Variants in WDHD1 observed in about 807,000 individuals in gnomAD.
WDHD1 encodes WD repeat and HMG-box DNA-binding protein 1.
WDHD1 carries 111 observed loss-of-function variants against 135.4 expected under a neutral mutation model. The observed-to-expected ratio is 0.82, with a 90% CI of 0.70 to 0.96. The LOEUF (loss-of-function observed/expected upper bound fraction) is 0.96, where lower values mean the gene tolerates loss of function less well. WDHD1 is among the 40% of genes least tolerant of loss of function. The pLI is 0.00. For synonymous variants in WDHD1, 434 were observed against 439.0 expected (o/e 0.99, Z 0.14); for missense variants, 1,351 against 1,336.3 (o/e 1.01, Z -0.17).
In WDHD1 at chr14:54,966,528, T is replaced by C. The variant is rs1358757035; in HGVS notation, c.2257A>G (p.Thr753Ala). The change falls in exon 18 of 26, where the codon ACT (threonine) becomes GCT (alanine). Residue 753 changes from threonine (T) to alanine (A), a missense_variant. Around this residue, in one of 2 missense-constraint regions of WDHD1, gnomAD observed 1,330 missense variants for 1,296.1 expected, o/e 1.03. Coordinates refer to ENST00000360586, the MANE Select transcript of WDHD1 (RefSeq NM_007086.4). ...TGCTCTTTTGTTGCTTGATTTTTAG[T>C]GCTCTCTTCATATTCATAACCATTT... ...AKNGYEYEES[T>A]KNQATKEQQE... 4 of 1,608,974 alleles carry C rather than the reference T, an allele frequency of 2.5e-6. No individual in the cohort carries two copies. Among genetic ancestry groups the C allele is most frequent in the Middle Eastern group, 1.7e-4 (1 of 5,728 alleles).
At chr14:54,983,344 C>T (rs982987794) in intron 15 of WDHD1, among the ~76,000 whole-genome samples, 1 of 151,776 alleles carries the variant, frequency 6.6e-6, no homozygotes, top group Admixed American at 6.6e-5. Flanking sequence ...AAAATGGCTA[C>T]ATACCATGTA....
At chr14:54,943,355 C>CT (rs1354698397) in intron 25 of WDHD1, among the ~76,000 whole-genome samples, 1 of 152,108 alleles carries the variant, frequency 6.6e-6, no homozygotes, top group Non-Finnish European at 1.5e-5. Context: ...TGCAAGAACC[C>CT]TAAAGTAGTA....
Position 54,957,115 on chromosome 14 carries a change from T to C in WDHD1, c.2835A>G (p.Lys945=). The C allele has an allele frequency of 2.5e-6, 4 of 1,614,178 alleles. 1 individual carries two copies. In the South Asian group the frequency reaches 3.3e-5, roughly 13 times the overall value. The change falls in exon 23 of 26, where the codon AAA becomes AAG. Residue 945 remains lysine (K), a synonymous_variant. Coordinates refer to ENST00000360586, the MANE Select transcript of WDHD1 (RefSeq NM_007086.4). Reference sequence around the variant, plus strand: ...TTGTAGTTCGACTAAGTGCAGTGGATTTCTTGGATGATTTGCCCATATTGT... The same window carrying C: ...TTGTAGTTCGACTAAGTGCAGTGGACTTCTTGGATGATTTGCCCATATTGT... The part of the protein sequence containing the change: ...ILDNMGKSSK[K]STALSRTTNN...
At chr14:54,976,590 C>G (rs78788859) in intron 16 of WDHD1, among the ~76,000 whole-genome samples, 3,020 of 152,296 alleles carry the variant, frequency 0.02, 71 homozygotes, top group African/African-American at 0.06. Context: ...ATTCCCCGAA[C>G]TTCCATGTAC....
intron 10 of WDHD1, among the ~76,000 whole-genome samples, chr14:54,998,883 T>C (rs2041933568): frequency 6.6e-6 from 1 of 152,228 alleles, no homozygotes; most frequent in African/African-American, 2.4e-5. Flanking sequence ...CCAACACTTA[T>C]AAAGTATGCC....
At chr14:54,962,643 A>T in intron 20 of WDHD1, 92 bp from the exon 21 acceptor site, 1 of 1,535,742 alleles carries the variant, frequency 6.5e-7, no homozygotes, top group Non-Finnish European at 9.0e-7. Flanking sequence ...GTCTGAAAAA[A>T]AGTATGAGTA....
At chr14:54,953,973 G>C (rs571340447) in intron 24 of WDHD1, among the ~76,000 whole-genome samples, 1 of 152,246 alleles carries the variant, frequency 6.6e-6, no homozygotes, top group East Asian at 1.9e-4. Flanking sequence ...GGCCTGTTGT[G>C]GGGTGGGGGA....
At chr14:54,948,672 T>G (rs1394420703) in intron 24 of WDHD1, among the ~76,000 whole-genome samples, 1 of 152,136 alleles carries the variant, frequency 6.6e-6, no homozygotes. Flanking sequence ...AGCACAGAGT[T>G]TGAGATCTGA....
rs2040839708 is a variant in WDHD1 at position 54,941,593 on chromosome 14, T to C, written c.3287A>G (p.Gln1096Arg). 1 of 1,614,096 alleles carries C rather than the reference T, an allele frequency of 6.2e-7. No individual in the cohort carries two copies. Among genetic ancestry groups the C allele is most frequent in the African/African-American group, 1.3e-5 (1 of 75,064 alleles). The change falls in exon 26 of 26, where the codon CAG becomes CGG. Residue 1096 changes from glutamine to arginine, a missense_variant. This residue lies in a region of WDHD1 where 1,330 missense variants were observed against 1,296.1 expected (regional missense o/e 1.03). Coordinates refer to ENST00000360586, the MANE Select transcript of WDHD1 (RefSeq NM_007086.4). ...CAGGTTCTCTTTTGCTTTTTCTTCC[T>C]GGTTTTCTGTTTCATCACTTTCATC... is the stretch of plus-strand genomic sequence containing the variant. ...VVDESDETEN[Q>R]EEKAKENLNL...
intron 7 of WDHD1, among the ~76,000 whole-genome samples, chr14:55,006,741 T>A (rs1463205481): frequency 6.6e-6 from 1 of 152,160 alleles, no homozygotes; most frequent in South Asian, 2.1e-4. Flanking sequence ...AACAAAAATA[T>A]AAAATTAATT....
At chr14:54,954,072 C>T (rs1472236006) in intron 24 of WDHD1, among the ~76,000 whole-genome samples, 1 of 150,962 alleles carries the variant, frequency 6.6e-6, no homozygotes, top group Non-Finnish European at 1.5e-5. Flanking sequence ...ATGTAACAAA[C>T]CTGAATGTTG....
chr14:55,001,350 T>C (rs1019303526), intron 8 of WDHD1, among the ~76,000 whole-genome samples: 2 of 152,196 alleles, frequency 1.3e-5, no homozygotes, highest in Non-Finnish European at 2.9e-5. Context: ...AACTTTCAAC[T>C]CTGAAGCTCA....
chr14:54,945,166 A>AAGAG (rs953134233), intron 24 of WDHD1, among the ~76,000 whole-genome samples: 31 of 152,228 alleles, frequency 2.0e-4, no homozygotes, highest in South Asian at 1.2e-3. Context: ...GACTTTTCTC[A>AAGAG]AGCCCCTTTG....
Position 54,967,282 on chromosome 14 carries a change from C to A in WDHD1, c.2176G>T (p.Glu726Ter). 6.2e-7 allele frequency: 1 copy of A among 1,608,018 alleles called. No homozygotes were observed. The highest frequency in any genetic ancestry group is 8.5e-7 in the Non-Finnish European group (1 of 1,175,756). The part of the protein sequence containing the change: ...CQIATEKGQM[E>*]EQFWRSVIFH... ...GTCAAGGTAAGACTTCCACATACCT[C>A]CATTTGTCCTTTCTCTGTTGCAATC... The change falls in exon 17 of 26, where the codon GAG becomes TAG. Residue 726 changes from glutamate to a stop codon, truncating the protein, a stop_gained and splice_region_variant. Coordinates refer to ENST00000360586, the MANE Select transcript of WDHD1 (RefSeq NM_007086.4). LOFTEE classifies it high-confidence loss of function.
intron 16 of WDHD1, among the ~76,000 whole-genome samples, chr14:54,973,129 A>G (rs774340731): frequency 3.9e-5 from 6 of 152,232 alleles, no homozygotes; most frequent in Non-Finnish European, 7.3e-5. Context: ...TATAAATACC[A>G]CAGGCAAATT....
chr14:55,008,505 G>A (rs771140825), intron 5 of WDHD1, 103 bp downstream of exon 5: 52 of 1,430,134 alleles, frequency 3.6e-5, no homozygotes, highest in Non-Finnish European at 4.9e-5. Flanking sequence ...TAAAACAAAG[G>A]TTGAAAAGTT....
rs1420794952 is a variant in WDHD1, at chr14:55,013,544, C to G, written c.130G>C (p.Asp44His). Residue 44 changes from aspartate to histidine, a missense_variant, in exon 3 of 26, where the codon GAT becomes CAT. Coordinates refer to ENST00000360586, the MANE Select transcript of WDHD1 (RefSeq NM_007086.4). Reference protein sequence around the residue: ...DGDVRIWEDLDDDDPKFINVG... With the variant: ...DGDVRIWEDLHDDDPKFINVG... ...TTAATGAACTTAGGATCATCATCAT[C>G]CAAGTCTTCCCAAATCCTCACATCA... 1.9e-6 allele frequency: 3 copies of G among 1,614,040 alleles called. No individual in the cohort carries two copies. The highest frequency in any genetic ancestry group is 2.5e-6 in the Non-Finnish European group (3 of 1,180,000).
In WDHD1 at chr14:55,002,095, G is replaced by A. The variant is rs554232187; in HGVS notation, c.691C>T (p.Gln231Ter). 29 of 1,602,486 alleles carry A rather than the reference G, an allele frequency of 1.8e-5. No individual in the cohort carries two copies. Among genetic ancestry groups the A allele is most frequent in the Non-Finnish European group, 2.4e-5 (28 of 1,174,754 alleles). ...QFDLSDNFIS[Q>*]TLNIVTWSPC... ...AAGTGTCACTTTGTAAAACCTACCT[G>A]AGAGATGAAATTATCTGAAAGATCA... Residue 231 changes from glutamine to a stop codon, truncating the protein, a stop_gained and splice_region_variant, in exon 8 of 26, where the codon CAG becomes TAG. Coordinates refer to ENST00000360586, the MANE Select transcript of WDHD1 (RefSeq NM_007086.4). LOFTEE classifies it high-confidence loss of function.
intron 3 of WDHD1, among the ~76,000 whole-genome samples, chr14:55,013,194 C>CAAAAAAAAAAAATAAAAAAAAAAAAAAAA (rs2042200626): frequency 1.2e-5 from 1 of 82,336 alleles, no homozygotes; most frequent in Non-Finnish European, 2.2e-5. Flanking sequence ...GATCCCGTTT[C>CAAAAAAAAAAAATAAAAAAAAAAAAAAAA]AAAAAAAAAA....
Sources: gnomAD v4.1 joint callset for allele counts (sites outside exome capture counted in the v4.1 genomes callset) on GRCh38, gnomAD v4.1.1 for gene constraint, gnomAD v4.1.1 regional missense constraint, MANE v1.5 for transcripts, NCBI Gene and HGNC (gene_info 2026-07-23, HGNC 2026-07-21) for gene names.